Variants in ZFC3H1 observed in about 807,000 individuals in gnomAD.
ZFC3H1 encodes zinc finger C3H1 domain-containing protein.
Under a neutral mutation model 243.7 loss-of-function variants are expected in ZFC3H1, and 71 were observed. The ratio of observed to expected loss-of-function variants is 0.29; its 90% confidence interval spans 0.24 to 0.36. The LOEUF is 0.36. Among genes scored for constraint, ZFC3H1 ranks in the 10% least tolerant of loss-of-function variants. ZFC3H1 has a pLI of 1.00. For synonymous variants in ZFC3H1, 838 were observed against 813.0 expected, an observed-to-expected ratio of 1.03 and a Z score of -0.52; for missense variants, 1,966 against 2,317.1, an observed-to-expected ratio of 0.85 and a Z score of 3.11.
chr12:71,641,174 A>G (rs1432624323), intron 6 of ZFC3H1, among the ~76,000 whole-genome samples: 2 of 152,216 alleles, frequency 1.3e-5, no homozygotes, highest in African/African-American at 2.4e-5. Context: ...TATTAATAAT[A>G]TTGTCAATAC....
rs747031844 is a variant in ZFC3H1 at position 71,620,078 on chromosome 12, G to C, written c.4897C>G (p.Pro1633Ala). ...GCTTCCAGCAACTGGCAGTTAATAG[G>C]ACATGATTCCAATAAAGATTTACAA... ...ELCKSLLESC[P>A]INCQLLEALV... Residue 1633 changes from proline to alanine, a missense_variant, in exon 26 of 35, where the codon CCT (proline) becomes GCT (alanine). Physicochemically the swap from Pro to Ala is conservative, Grantham distance 27. Around this residue, in one of 4 missense-constraint regions of ZFC3H1, gnomAD observed 1,383 missense variants for 1,723.7 expected, o/e 0.80. Coordinates refer to ENST00000378743, the MANE Select transcript of ZFC3H1 (RefSeq NM_144982.5). The C allele has an allele frequency of 7.4e-6, 12 of 1,612,834 alleles. No individual in the cohort carries two copies. The highest frequency in any genetic ancestry group is 1.1e-5 in the South Asian group (1 of 90,848).
rs751197922 is a variant in ZFC3H1, at chr12:71,635,500, T to C, written c.2181A>G (p.Thr727=). The C allele has an allele frequency of 6.3e-7, 1 of 1,577,000 alleles. No homozygotes were observed. Residue 727 remains threonine, a synonymous_variant, in exon 10 of 35, where the codon ACA becomes ACG. Transcript: ENST00000378743. ...ACTCTAATCCACCAAAAACACTATT[T>C]GTTGACTTGGAAGCCTCTCCATCAG... The part of the protein sequence containing the change: ...SESDGEASKS[T]NSVFGGLESM...
Position 71,611,098 on chromosome 12 carries a change from CT to C in ZFC3H1, c.5730-2del. The stretch of plus-strand genomic sequence containing the variant: ...TAGAACAATCTCAGCAGCAATGGCT[CT>C]AAGAGAAAAAAAAAAAAAAAGAAAT... On this transcript the variant is annotated splice_acceptor_variant, in intron 32 of 34. Transcript: ENST00000378743. LOFTEE classifies it high-confidence loss of function. 8.7e-7 allele frequency: 1 copy of C among 1,155,882 alleles called. No homozygotes were observed. The allele number at this position is 1,155,882 out of a possible 1,614,324, so 71.6% of individuals were successfully genotyped here.
chr12:71,622,664 T>C (rs139599694), intron 24 of ZFC3H1, among the ~76,000 whole-genome samples: 66 of 152,288 alleles, frequency 4.3e-4, no homozygotes, highest in Non-Finnish European at 8.8e-4. Flanking sequence ...GGATTCATCA[T>C]GTTGGCCAGA....
intron 27 of ZFC3H1, among the ~76,000 whole-genome samples, chr12:71,616,297 A>T (rs975709393): frequency 2.6e-5 from 4 of 151,506 alleles, no homozygotes; most frequent in Non-Finnish European, 4.4e-5. Context: ...ACCCTTTCTT[A>T]AAAAAAAAGA....
chr12:71,610,729 T>C lies in ZFC3H1; in HGVS notation c.5798A>G (p.Gln1933Arg). The change falls in exon 34 of 35, where the codon CAG (glutamine) becomes CGG (arginine). Residue 1933 changes from glutamine to arginine, a missense_variant. Around this residue, in one of 4 missense-constraint regions of ZFC3H1, gnomAD observed 1,383 missense variants for 1,723.7 expected, o/e 0.80. Coordinates refer to ENST00000378743, the MANE Select transcript of ZFC3H1 (RefSeq NM_144982.5). ...CAGTGATGCACAAAGAGGTAACTTC[T>C]GTAAGGCTCTCTGATATAAACGGTG... is the stretch of plus-strand genomic sequence containing the variant. ...EVHRLYQRAL[Q>R]KLPLCASLWK... 6.2e-7 allele frequency: 1 copy of C among 1,613,322 alleles called. No homozygotes were observed. The highest frequency in any genetic ancestry group is 8.5e-7 in the Non-Finnish European group (1 of 1,179,614).
chr12:71,655,371 T>C (rs1281939275), intron 2 of ZFC3H1, among the ~76,000 whole-genome samples: 1 of 151,968 alleles, frequency 6.6e-6, no homozygotes. Flanking sequence ...ATAACCCAAC[T>C]TGAGACAGAA....
intron 24 of ZFC3H1, among the ~76,000 whole-genome samples, chr12:71,622,914 T>C (rs985084312): frequency 6.6e-6 from 1 of 152,172 alleles, no homozygotes; most frequent in African/African-American, 2.4e-5. Context: ...TGTAATGTGT[T>C]CCACAATAGT....
At chr12:71,655,574 G>T (rs1273027674) in intron 2 of ZFC3H1, among the ~76,000 whole-genome samples, 1 of 152,020 alleles carries the variant, frequency 6.6e-6, no homozygotes, top group South Asian at 2.1e-4. Flanking sequence ...GTAACTTACA[G>T]GAAATAGACA....
At chr12:71,659,832 G>C (rs1001744778) in intron 1 of ZFC3H1, among the ~76,000 whole-genome samples, 5 of 152,128 alleles carry the variant, frequency 3.3e-5, no homozygotes, top group African/African-American at 1.2e-4. Flanking sequence ...CTTTTCAGCT[G>C]CAGCTGAAAA....
chr12:71,644,643 C>T (rs1880682439), intron 4 of ZFC3H1, among the ~76,000 whole-genome samples: 1 of 152,082 alleles, frequency 6.6e-6, no homozygotes, highest in African/African-American at 2.4e-5. Context: ...ACCGCCAAAC[C>T]CCGTCTCTAC....
chr12:71,617,808 A>T (rs1412749761), intron 27 of ZFC3H1, among the ~76,000 whole-genome samples: 5 of 152,206 alleles, frequency 3.3e-5, no homozygotes, highest in African/African-American at 1.2e-4. Flanking sequence ...TTATTTGTAA[A>T]TATTAATCTG....
intron 24 of ZFC3H1, among the ~76,000 whole-genome samples, chr12:71,621,735 C>A (rs998830675): frequency 6.6e-6 from 1 of 152,310 alleles, no homozygotes; most frequent in East Asian, 1.9e-4. Flanking sequence ...ATGACACTTT[C>A]CTTTTCCCAG....
Position 71,632,400 on chromosome 12 carries a change from G to C in ZFC3H1, c.2932C>G (p.Leu978Val). 6.2e-7 allele frequency: 1 copy of C among 1,612,696 alleles called. No homozygotes were observed. Among genetic ancestry groups the C allele is most frequent in the Non-Finnish European group, 8.5e-7 (1 of 1,179,802 alleles). ...GCTTCTTTTAATTTTTGAATTTTCA[G>C]GGCATATTCATATTCTAGCTTTTGT... ...RLQKLEYEYALKIQKLKEARA... is the reference protein window; with the variant it reads ...RLQKLEYEYAVKIQKLKEARA... The change falls in exon 15 of 35, where the codon CTG (leucine) becomes GTG (valine). Residue 978 changes from leucine to valine, a missense_variant. Transcript: ENST00000378743.
chr12:71,629,517 A>G, intron 19 of ZFC3H1, 92 bp downstream of exon 19: 2 of 837,758 alleles, frequency 2.4e-6, no homozygotes, highest in Admixed American at 2.5e-5. Flanking sequence ...AATTTCTGTC[A>G]TACAGAAACT....
intron 24 of ZFC3H1, among the ~76,000 whole-genome samples, chr12:71,622,963 C>T (rs1361900993): frequency 6.6e-6 from 1 of 151,488 alleles, no homozygotes; most frequent in East Asian, 1.9e-4. Flanking sequence ...AACTCACTGA[C>T]TGATGGAGAA....
rs773652319 is a variant in ZFC3H1 at position 71,636,996 on chromosome 12, G to C, written c.1789C>G (p.Pro597Ala). Residue 597 changes from proline to alanine, a missense_variant, in exon 8 of 35, where the codon CCT (proline) becomes GCT (alanine). Around this residue, in one of 4 missense-constraint regions of ZFC3H1, gnomAD observed 1,383 missense variants for 1,723.7 expected, o/e 0.80. Transcript: ENST00000378743. ...GLCVSLEPLP[P>A]LPPLPPLPPE... Reference sequence around the variant, plus strand: ...GGGAGAGGTGGTAATGGTGGTAGAGGAGGTAGAGGTTCAAGAGAAACACAC... The same window carrying C: ...GGGAGAGGTGGTAATGGTGGTAGAGCAGGTAGAGGTTCAAGAGAAACACAC... 3 of 1,614,072 alleles carry C rather than the reference G, an allele frequency of 1.9e-6. No homozygotes were observed. The South Asian group carries it at 3.3e-5, about 18-fold the overall frequency.
Position 71,613,439 on chromosome 12 carries a change from T to C in ZFC3H1, c.5527-4A>G. 6.3e-7 allele frequency: 1 copy of C among 1,596,580 alleles called. No individual in the cohort carries two copies. The highest frequency in any genetic ancestry group is 8.5e-7 in the Non-Finnish European group (1 of 1,169,628). Reference sequence around the variant, plus strand: ...AGCTCAAATAAAAGAAAATAACCTGTAAAGGTTGAGGGGGGCGAAAAATGA... The same window carrying C: ...AGCTCAAATAAAAGAAAATAACCTGCAAAGGTTGAGGGGGGCGAAAAATGA... On this transcript the variant is annotated splice_region_variant and splice_polypyrimidine_tract_variant and intron_variant, in intron 30 of 34. Coordinates refer to ENST00000378743, the MANE Select transcript of ZFC3H1 (RefSeq NM_144982.5).
intron 23 of ZFC3H1, 93 bp downstream of exon 23, chr12:71,624,011 T>A (rs544304486): frequency 7.9e-7 from 1 of 1,265,780 alleles, no homozygotes; most frequent in South Asian, 1.7e-5. Flanking sequence ...CCAAATCTTG[T>A]GCTTTCAACC....
Sources: gnomAD v4.1 joint callset for allele counts (sites outside exome capture counted in the v4.1 genomes callset) on GRCh38, gnomAD v4.1.1 for gene constraint, gnomAD v4.1.1 regional missense constraint, MANE v1.5 for transcripts, NCBI Gene and HGNC (gene_info 2026-07-23, HGNC 2026-07-21) for gene names.